Variants in IL1RN observed in about 807,000 individuals in gnomAD.
IL1RN encodes interleukin 1 receptor antagonist.
In IL1RN, 10 loss-of-function variants were observed where a neutral mutation model predicts 13.7. The observed-to-expected ratio is 0.73, with a 90% CI of 0.45 to 1.24. The LOEUF (loss-of-function observed/expected upper bound fraction) is 1.24, where lower values mean the gene tolerates loss of function less well. IL1RN is among the 50% of genes most tolerant of loss of function. The probability of loss-of-function intolerance (pLI) is 0.00; values close to 1 mark genes in which losing one functional copy is unlikely to be tolerated. For synonymous variants in IL1RN, 102 were observed against 82.7 expected, an observed-to-expected ratio of 1.23 and a Z score of -1.27; for missense variants, 213 against 222.1, an observed-to-expected ratio of 0.96 and a Z score of 0.26.
At chr2:113,129,721 G>A in intron 2 of IL1RN, 57 bp downstream of exon 2, 1 of 1,083,486 alleles carries the variant, frequency 9.2e-7, no homozygotes, top group South Asian at 1.2e-5. Context: ...TTGCCCGTCT[G>A]TCTGCAGCAG....
chr2:113,130,893 C>G lies in IL1RN; in HGVS notation c.206-152C>G, dbSNP rs434792. On this transcript the variant is annotated intron_variant, in intron 2 of 3. Coordinates refer to ENST00000409930, the MANE Select transcript of IL1RN (RefSeq NM_173842.3). ...TGTGCTTGGTTTAATCTTCTATTTA[C>G]CTGCAGACCAGGAAGATGAGACCTC... 167,550 of 675,698 alleles carry G rather than the reference C, an allele frequency of 0.25. 23,061 individuals are homozygous for G. The highest frequency in any genetic ancestry group is 0.31 in the Admixed American group (14,351 of 46,550). 41.9% of individuals were successfully genotyped at this position (675,698 alleles called of 1,614,324 possible).
chr2:113,102,575 G>A (rs901514144), upstream of IL1RN, among the ~76,000 whole-genome samples: 1 of 152,224 alleles, frequency 6.6e-6, no homozygotes, highest in African/African-American at 2.4e-5. Context: ...CTTTGTGTGA[G>A]CAACAAGGCT....
chr2:113,110,314 C>G (rs542919923), upstream of IL1RN, among the ~76,000 whole-genome samples: 4 of 152,244 alleles, frequency 2.6e-5, no homozygotes, highest in South Asian at 8.3e-4. Flanking sequence ...TTCTTGGTGC[C>G]CCTTGTTCCT....
upstream of IL1RN, among the ~76,000 whole-genome samples, chr2:113,103,566 T>A (rs1686345363): frequency 6.6e-6 from 1 of 152,176 alleles, no homozygotes; most frequent in African/African-American, 2.4e-5. Flanking sequence ...TCCAGAAAGA[T>A]CACAGCAGTG....
At chr2:113,132,101 C>T (rs1254579994) in intron 3 of IL1RN, among the ~76,000 whole-genome samples, 1 of 152,230 alleles carries the variant, frequency 6.6e-6, no homozygotes, top group Non-Finnish European at 1.5e-5. Context: ...GCCAGATTTC[C>T]CAAAGTCAAG....
intron 1 of IL1RN, among the ~76,000 whole-genome samples, chr2:113,112,191 A>G (rs186897545): frequency 6.6e-6 from 1 of 152,328 alleles, no homozygotes; most frequent in Admixed American, 6.5e-5. Flanking sequence ...CTGGCCTCAG[A>G]AAAGGAAGCT....
upstream of IL1RN, among the ~76,000 whole-genome samples, chr2:113,102,531 C>G (rs796448816): frequency 3.9e-5 from 6 of 152,236 alleles, no homozygotes; most frequent in African/African-American, 1.2e-4. Context: ...TCAGGCGTGT[C>G]ACGTGCGTCT....
intron 1 of IL1RN, among the ~76,000 whole-genome samples, chr2:113,119,784 C>G (rs1252423942): frequency 6.6e-6 from 1 of 152,120 alleles, no homozygotes; most frequent in East Asian, 1.9e-4. Flanking sequence ...GTGCAATAAG[C>G]TTAGTGAAGA....
chr2:113,130,966 A>T, intron 2 of IL1RN, 79 bp from the exon 3 acceptor site: 1 of 904,116 alleles, frequency 1.1e-6, no homozygotes, highest in South Asian at 1.3e-5. Flanking sequence ...ACCAGGGGAG[A>T]TAGAAAAATA....
chr2:113,100,088 C>G, the IL1RN span, among the ~76,000 whole-genome samples: 1 of 143,152 alleles, frequency 7.0e-6, no homozygotes, highest in African/African-American at 2.6e-5. Flanking sequence ...TTTGGGAGGC[C>G]GAGGCGGGCA....
chr2:113,112,642 G>A (rs997041674), intron 1 of IL1RN, among the ~76,000 whole-genome samples: 4 of 152,084 alleles, frequency 2.6e-5, no homozygotes, highest in Admixed American at 6.6e-5. Flanking sequence ...GCTTCTCACC[G>A]TTCCTCTTCC....
exon 2 of IL1RN, chr2:113,120,093 G>C (rs1284620319): frequency 6.2e-7 from 1 of 1,613,454 alleles, no homozygotes; most frequent in African/African-American, 1.3e-5. Flanking sequence ...GGAGGTGGAG[G>C]AGGAGGAGAA....
At chr2:113,131,800 GT>G (rs1007879339) in intron 3 of IL1RN, among the ~76,000 whole-genome samples, 3 of 152,116 alleles carry the variant, frequency 2.0e-5, no homozygotes, top group Non-Finnish European at 4.4e-5. Flanking sequence ...ATGTTAATGG[GT>G]TTCCCAGCCC....
chr2:113,109,973 C>T (rs570982409), upstream of IL1RN, among the ~76,000 whole-genome samples: 2 of 152,176 alleles, frequency 1.3e-5, no homozygotes, highest in African/African-American at 4.8e-5. Context: ...CTGCTTCCTG[C>T]TGATTGATCC....
the IL1RN span, among the ~76,000 whole-genome samples, chr2:113,099,924 C>T: frequency 2.2e-5 from 3 of 139,320 alleles, no homozygotes; most frequent in Non-Finnish European, 3.2e-5. Context: ...TTAGTAGAGA[C>T]GGGGTTTCAC....
chr2:113,114,640 C>T (rs187682862), upstream of IL1RN, among the ~76,000 whole-genome samples: 28 of 151,346 alleles, frequency 1.9e-4, no homozygotes, highest in African/African-American at 6.1e-4. Context: ...TGTATGAGTC[C>T]GTGTGTGAGT....
upstream of IL1RN, among the ~76,000 whole-genome samples, chr2:113,125,309 A>G (rs905179604): frequency 6.6e-6 from 1 of 152,264 alleles, no homozygotes; most frequent in African/African-American, 2.4e-5. Context: ...GTTCATATAC[A>G]TCATCTCCTT....
At position 113,132,863 on chromosome 2, in the gene IL1RN, G is replaced by T. The variant is rs1191497599; in HGVS notation, c.526G>T (p.Asp176Tyr). The T allele has an allele frequency of 6.2e-7, 1 of 1,614,128 alleles. No individual in the cohort carries two copies. The highest frequency in any genetic ancestry group is 1.7e-5 in the Admixed American group (1 of 60,036). The change falls in exon 4 of 4, where the codon GAC becomes TAC. Residue 176 changes from aspartate (D) to tyrosine (Y), a missense_variant. Physicochemically the swap from Asp to Tyr is radical, Grantham distance 160. Transcript: ENST00000409930. The part of the protein sequence containing the change: ...VMVTKFYFQE[D>Y]E ...GGTCACCAAATTCTACTTCCAGGAG[G>T]ACGAGTAGTACTGCCCAGGCCTGCC...
the IL1RN span, among the ~76,000 whole-genome samples, chr2:113,101,699 G>A: frequency 0.035 from 5,303 of 152,176 alleles, 214 homozygotes; most frequent in African/African-American, 0.094. Context: ...AGAAACCACC[G>A]CTCTGAAAGA....
Sources: allele counts gnomAD v4.1 joint callset (sites outside exome capture counted in the v4.1 genomes callset), GRCh38; gene constraint gnomAD v4.1.1; transcripts MANE v1.5; gene names NCBI Gene and HGNC (gene_info 2026-07-23, HGNC 2026-07-21).